PBX1: variants seen among roughly 807,000 people sequenced by gnomAD.
PBX1 encodes PBX homeobox 1.
In PBX1, 6 loss-of-function variants were observed where a neutral mutation model predicts 53.4. The observed-to-expected ratio is 0.11, with a 90% confidence interval of 0.06 to 0.22. PBX1 has a LOEUF of 0.22. Ranked by LOEUF, PBX1 falls within the 10% of genes least tolerant of loss-of-function variation. The pLI, the probability that PBX1 is intolerant of heterozygous loss-of-function variation, is 1.00. For synonymous variants in PBX1, 204 were observed against 212.3 expected (o/e 0.96, Z 0.34); for missense variants, 251 against 551.4 (o/e 0.46, Z 5.46).
intron 2 of PBX1, among the ~76,000 whole-genome samples, chr1:164,776,089 G>T (rs1321922604): frequency 6.6e-6 from 1 of 152,116 alleles, no homozygotes; most frequent in Non-Finnish European, 1.5e-5. Context: ...ACCGTTACCT[G>T]TCTGGCCCAT....
intron 2 of PBX1, chr1:164,703,017 A>C (rs1663217632): frequency 6.6e-6 from 1 of 152,138 alleles, no homozygotes; most frequent in African/African-American, 2.4e-5. Context: ...TATTATTAAA[A>C]AAAAAGAGAG....
intron 2 of PBX1, among the ~76,000 whole-genome samples, chr1:164,609,278 C>A (rs1656750605): frequency 6.6e-6 from 1 of 152,004 alleles, no homozygotes; most frequent in African/African-American, 2.4e-5. Context: ...GAGACCAAGT[C>A]TCTGGGGACA....
chr1:164,574,422 G>A (rs1245280206), intron 2 of PBX1, among the ~76,000 whole-genome samples: 3 of 152,194 alleles, frequency 2.0e-5, no homozygotes, highest in African/African-American at 7.2e-5. Context: ...ACTCTAGAGA[G>A]CCTCTGATCT....
chr1:164,726,117 T>C (rs1421288758), intron 2 of PBX1, among the ~76,000 whole-genome samples: 1 of 152,236 alleles, frequency 6.6e-6, no homozygotes, highest in Non-Finnish European at 1.5e-5. Context: ...TTTAACAAAA[T>C]TAAAAATAAT....
chr1:164,811,958 G>A, intron 5 of PBX1, 32 bp from the exon 6 acceptor site: 1 of 1,579,590 alleles, frequency 6.3e-7, no homozygotes, highest in East Asian at 2.3e-5. Context: ...GATGAAATGT[G>A]AACTTTCTCA....
chr1:164,843,333 G>A (rs1671397328), intron 8 of PBX1, among the ~76,000 whole-genome samples: 1 of 152,124 alleles, frequency 6.6e-6, no homozygotes, highest in African/African-American at 2.4e-5. Flanking sequence ...AACCCTATAG[G>A]CTACAATGTC....
chr1:164,576,783 C>T (rs1654275091), intron 2 of PBX1: 1 of 152,320 alleles, frequency 6.6e-6, no homozygotes, highest in African/African-American at 2.4e-5. Context: ...AAACACCTCT[C>T]AATGTGGGCT....
Position 164,849,410 on chromosome 1 carries a change from C to T in PBX1, c.*2734C>T, listed in dbSNP as rs922311476. On this transcript the variant is annotated 3_prime_UTR_variant, in exon 9 of 9. Transcript: ENST00000420696. The stretch of plus-strand genomic sequence containing the variant: ...CCAACGTGGCATCCGTGAGATCTGT[C>T]CACATTAGGCGAAGCAGGAGAACAC... 11 of 1,535,444 alleles carry T rather than the reference C, an allele frequency of 7.2e-6. No individual in the cohort carries two copies. In the Admixed American group the frequency reaches 9.8e-5, roughly 14 times the overall value.
intron 2 of PBX1, among the ~76,000 whole-genome samples, chr1:164,701,585 C>G (rs1663124095): frequency 6.6e-6 from 1 of 152,214 alleles, no homozygotes; most frequent in Admixed American, 6.5e-5. Context: ...ACTTACGTCA[C>G]TTATTAGAAA....
chr1:164,676,600 G>C (rs896610790), intron 2 of PBX1, among the ~76,000 whole-genome samples: 3 of 152,194 alleles, frequency 2.0e-5, no homozygotes, highest in Admixed American at 6.5e-5. Flanking sequence ...CACCAGATCT[G>C]GAAATGGATT....
chr1:164,628,397 C>T (rs1658189589), intron 2 of PBX1, among the ~76,000 whole-genome samples: 1 of 152,146 alleles, frequency 6.6e-6, no homozygotes, highest in African/African-American at 2.4e-5. Flanking sequence ...CCTTGACAAT[C>T]CTTGATGGCA....
At chr1:164,803,692 G>A (rs1669196836) in intron 4 of PBX1, among the ~76,000 whole-genome samples, 1 of 152,056 alleles carries the variant, frequency 6.6e-6, no homozygotes, top group South Asian at 2.1e-4. Flanking sequence ...GAGGCACTAG[G>A]GATAGGAAAG....
In PBX1 at chr1:164,848,235, A is replaced by T; in HGVS notation, c.*1559A>T. Reference sequence around the variant, plus strand: ...AGAAAATAGCATGTATATGAAAGCTATTCTCAAAAGTCACCTGAGCTCACC... The same window carrying T: ...AGAAAATAGCATGTATATGAAAGCTTTTCTCAAAAGTCACCTGAGCTCACC... On this transcript the variant is annotated 3_prime_UTR_variant, in exon 9 of 9. Coordinates refer to ENST00000420696, the MANE Select transcript of PBX1 (RefSeq NM_002585.4). 1 of 1,053,094 alleles carries T rather than the reference A, an allele frequency of 9.5e-7. No homozygotes were observed. The highest frequency in any genetic ancestry group is 1.1e-6 in the Non-Finnish European group (1 of 871,718). 65.2% of individuals were successfully genotyped at this position (1,053,094 alleles called of 1,614,324 possible).
chr1:164,873,378 AAC>A, intron 2 of PBX1, among the ~76,000 whole-genome samples: 1 of 152,352 alleles, frequency 6.6e-6, no homozygotes, highest in East Asian at 1.9e-4. Context: ...GTTTTGAAGA[AAC>A]ACAGTTATAG....
intron 2 of PBX1, among the ~76,000 whole-genome samples, chr1:164,707,442 AGAGAGAGAGAGAG>A: frequency 6.6e-6 from 1 of 151,210 alleles, no homozygotes; most frequent in Non-Finnish European, 1.5e-5. Flanking sequence ...AGAGAGAGAG[AGAGAGAGAGAGAG>A]AAAGTGCTGA....
At chr1:164,631,729 G>C (rs1440648976) in intron 2 of PBX1, among the ~76,000 whole-genome samples, 1 of 152,146 alleles carries the variant, frequency 6.6e-6, no homozygotes, top group African/African-American at 2.4e-5. Flanking sequence ...CAAGAGTACA[G>C]CAATTAATGT....
chr1:164,755,922 AG>A (rs888019045), intron 2 of PBX1, among the ~76,000 whole-genome samples: 1 of 150,024 alleles, frequency 6.7e-6, no homozygotes, highest in Non-Finnish European at 1.5e-5. Context: ...GCAGGGTGCC[AG>A]GGTTTTAAGA....
rs566188239 is a variant in PBX1, at chr1:164,608,720, C to CA, written c.265+45413dup. Among the ~76,000 whole-genome samples, 7 of 152,298 alleles carry CA rather than the reference C, an allele frequency of 4.6e-5. No individual in the cohort carries two copies. In the South Asian group the frequency reaches 1.5e-3, roughly 32 times the overall value. On this transcript the variant is annotated intron_variant, in intron 2 of 8. Transcript: ENST00000420696. ...GCTCAGAAATGGGCATCTCTAGTCACAAAATGTGGCTGAGCTGTTTGGGCA... is the reference window on the plus strand; with the variant it reads ...GCTCAGAAATGGGCATCTCTAGTCACAAAAATGTGGCTGAGCTGTTTGGGCA...
chr1:164,872,197 C>T (rs1382446736), intron 2 of PBX1, among the ~76,000 whole-genome samples: 35 of 152,226 alleles, frequency 2.3e-4, no homozygotes, highest in Admixed American at 2.2e-3. Context: ...AAGCACTCTA[C>T]AAAATTCTTC....
Sources: gnomAD v4.1 joint callset for allele counts (sites outside exome capture counted in the v4.1 genomes callset) on GRCh38, gnomAD v4.1.1 for gene constraint, MANE v1.5 for transcripts, NCBI Gene and HGNC (gene_info 2026-07-23, HGNC 2026-07-21) for gene names.